Variants in ADAP1 observed in about 807,000 individuals in gnomAD.
ADAP1 encodes the protein arf-GAP with dual PH domain-containing protein 1.
Under a neutral mutation model 54.9 loss-of-function variants are expected in ADAP1, and 31 were observed. That is an observed-to-expected ratio of 0.56 (90% CI 0.42 to 0.76). The LOEUF (loss-of-function observed/expected upper bound fraction) is 0.76, where lower values mean the gene tolerates loss of function less well. Ranked by LOEUF, ADAP1 falls within the 30% of genes least tolerant of loss-of-function variation. ADAP1 has a pLI of 0.00. For missense variants in ADAP1, 535 were observed against 512.4 expected (o/e 1.04, Z -0.42); for synonymous variants, 313 against 202.6 (o/e 1.55, Z -4.63).
intron 1 of ADAP1, among the ~76,000 whole-genome samples, chr7:948,458 C>G (rs1459239809): frequency 6.6e-6 from 1 of 152,256 alleles, no homozygotes; most frequent in East Asian, 1.9e-4. Context: ...CCAAAGCCTT[C>G]CCCTGCATGC....
intron 4 of ADAP1, among the ~76,000 whole-genome samples, chr7:906,791 CGGG>C (rs1199956571): frequency 0.27 from 7,588 of 28,128 alleles, 1,107 homozygotes; most frequent in East Asian, 0.36. Context: ...ACACGGGGGA[CGGG>C]ACAGGGGACA....
chr7:951,360 G>A (rs562252760), intron 1 of ADAP1, among the ~76,000 whole-genome samples: 5 of 149,314 alleles, frequency 3.3e-5, no homozygotes, highest in African/African-American at 2.5e-5. Context: ...GCGACAGAGC[G>A]AGACTCCGTC....
chr7:908,659 G>A (rs535881163), intron 4 of ADAP1, among the ~76,000 whole-genome samples: 3 of 152,186 alleles, frequency 2.0e-5, no homozygotes, highest in African/African-American at 4.8e-5. Flanking sequence ...GTGTCCCCAC[G>A]GCTCTGCCTC....
intron 4 of ADAP1, among the ~76,000 whole-genome samples, chr7:912,587 C>T (rs992330361): frequency 5.9e-5 from 9 of 152,232 alleles, no homozygotes; most frequent in Non-Finnish European, 1.0e-4. Flanking sequence ...GCTTCTCCCC[C>T]GGTCCTTTGT....
Position 946,503 on chromosome 7 carries a change from C to CG in ADAP1, c.82+7892dup, listed in dbSNP as rs1847143266. On this transcript the variant is annotated intron_variant, in intron 1 of 10. Coordinates refer to ENST00000265846, the MANE Select transcript of ADAP1 (RefSeq NM_006869.4). This position sits in a 1 kb window ranked among gnomAD's most constrained non-coding sequence, Gnocchi z 4.3. ...CTCCTGGATCCCTCCCAGCAGCACC[C>CG]GGACACAGTCCATTTTCAGAATCCC... Among the ~76,000 whole-genome samples the CG allele has an allele frequency of 6.6e-6, 1 of 152,172 alleles. No homozygotes were observed. Among genetic ancestry groups the CG allele is most frequent in the East Asian group, 1.9e-4 (1 of 5,196 alleles).
rs559390936 is a variant in ADAP1 at position 938,319 on chromosome 7, C to T, written c.83-2814G>A. On this transcript the variant is annotated intron_variant, in intron 1 of 10. Transcript: ENST00000265846. The surrounding 1 kb of genome is among the most constrained non-coding windows in gnomAD (Gnocchi z 4.4). ...CCTCAGCCTTCCAAGTAGCTGGGAC[C>T]GCAGGCATGCACCAGCATACCCAGC... Among the ~76,000 whole-genome samples the T allele has an allele frequency of 1.7e-4, 26 of 151,606 alleles. No homozygotes were observed. The highest frequency in any genetic ancestry group is 3.4e-4 in the Non-Finnish European group (23 of 67,890).
intron 2 of ADAP1, chr7:927,289 C>A: frequency 8.2e-7 from 1 of 1,216,006 alleles, no homozygotes; most frequent in Non-Finnish European, 1.1e-6. Flanking sequence ...GAGGCTGTCA[C>A]GCACACTGTG....
At chr7:935,608 G>A (rs529051215) in intron 1 of ADAP1, 103 bp from the exon 2 acceptor site, 1 of 1,435,494 alleles carries the variant, frequency 7.0e-7, no homozygotes, top group Non-Finnish European at 9.4e-7. Context: ...CAGTGGGGGG[G>A]GCTTCAGCGG....
chr7:910,863 C>G (rs535550159), intron 4 of ADAP1, among the ~76,000 whole-genome samples: 1 of 152,314 alleles, frequency 6.6e-6, no homozygotes, highest in East Asian at 1.9e-4. Context: ...GGGCCTGGAC[C>G]TGGCTTCCGG....
chr7:918,164 C>T (rs191211690), intron 4 of ADAP1, among the ~76,000 whole-genome samples: 3 of 152,282 alleles, frequency 2.0e-5, no homozygotes, highest in Admixed American at 2.0e-4. Flanking sequence ...CTGACTGCAA[C>T]GGATCCACCT....
chr7:947,606 C>T (rs930066786), intron 1 of ADAP1, among the ~76,000 whole-genome samples: 14 of 152,056 alleles, frequency 9.2e-5, no homozygotes, highest in African/African-American at 3.1e-4. Context: ...CACCACACCC[C>T]GACATCCCGT....
rs565371199 is a variant in ADAP1 at position 930,993 on chromosome 7, A to G, written c.214-4349T>C. On this transcript the variant is annotated intron_variant, in intron 2 of 10. Coordinates refer to ENST00000265846, the MANE Select transcript of ADAP1 (RefSeq NM_006869.4). The stretch of plus-strand genomic sequence containing the variant: ...AGACTGTGTCTCAAAAAAAAAAAAA[A>G]AGAGAAAGGAAGGAAGGAAGGAGGG... 5.4e-5 allele frequency among the ~76,000 whole-genome samples: 8 copies of G among 149,314 alleles called. No homozygotes were observed. The East Asian group carries it at 7.9e-4, about 15-fold the overall frequency.
At position 935,136 on chromosome 7, in the gene ADAP1, A is replaced by G. The variant is rs567732598; in HGVS notation, c.213+239T>C. The G allele has an allele frequency of 2.2e-5, 15 of 666,828 alleles. No individual in the cohort carries two copies. In the African/African-American group the frequency reaches 2.7e-4, roughly 12 times the overall value. The allele number at this position is 666,828 out of a possible 1,614,324, so 41.3% of individuals were successfully genotyped here. A position where few individuals can be genotyped will look rare whatever the true frequency, so the allele number is the denominator to read the frequency against. On this transcript the variant is annotated intron_variant, in intron 2 of 10. Coordinates refer to ENST00000265846, the MANE Select transcript of ADAP1 (RefSeq NM_006869.4). ...GCGACCCGCCTTCGCTCCCTGGCCC[A>G]CCACACACACCTGGAGCTGCTCACA...
chr7:935,398 C>T lies in ADAP1; in HGVS notation c.190G>A (p.Ala64Thr), dbSNP rs1280040888. ...VSKVKSVRLD[A>T]WEEAQVEFMA... ...ACCTCCACTTGGGCCTCCTCCCAGG[C>T]GTCCAGGCGGACGGACTTCACCTTG... The change falls in exon 2 of 11, where the codon GCC becomes ACC. Residue 64 changes from alanine to threonine, a missense_variant. Physicochemically the swap from Ala to Thr is moderately conservative, Grantham distance 58. Transcript: ENST00000265846. 1.3e-6 allele frequency: 2 copies of T among 1,560,824 alleles called. No individual in the cohort carries two copies. Among genetic ancestry groups the T allele is most frequent in the East Asian group, 2.4e-5 (1 of 41,604 alleles).
chr7:899,280 C>A lies in ADAP1; in HGVS notation c.868-19G>T. 1 of 1,612,136 alleles carries A rather than the reference C, an allele frequency of 6.2e-7. No homozygotes were observed. The highest frequency in any genetic ancestry group is 8.5e-7 in the Non-Finnish European group (1 of 1,179,414). ...AGGCGTCCTGTGGGTGGGGACCGCACTGGAGGCGGGGCCATGTCCCTTCCA... is the reference window on the plus strand; with the variant it reads ...AGGCGTCCTGTGGGTGGGGACCGCAATGGAGGCGGGGCCATGTCCCTTCCA... On this transcript the variant is annotated intron_variant, in intron 9 of 10. Transcript: ENST00000265846.
rs4719949 is a variant in ADAP1 at position 945,522 on chromosome 7, C to T, written c.82+8874G>A. ...AGTCAGCACCCACGGCCTGTGGTGC[C>T]CCCAGAACAGGCCACAAGGCCAGCA... On this transcript the variant is annotated intron_variant, in intron 1 of 10. Coordinates refer to ENST00000265846, the MANE Select transcript of ADAP1 (RefSeq NM_006869.4). This position sits in a 1 kb window ranked among gnomAD's most constrained non-coding sequence, Gnocchi z 4.2. 0.39 allele frequency among the ~76,000 whole-genome samples: 59,800 copies of T among 152,184 alleles called. 12,362 individuals are homozygous for T. The highest frequency in any genetic ancestry group is 0.63 in the South Asian group (3,046 of 4,826).
intron 6 of ADAP1, among the ~76,000 whole-genome samples, chr7:903,605 G>A (rs181869659): frequency 6.6e-6 from 1 of 152,118 alleles, no homozygotes; most frequent in Non-Finnish European, 1.5e-5. Flanking sequence ...GATAGCTTTT[G>A]TGGGGGTTTT....
intron 4 of ADAP1, among the ~76,000 whole-genome samples, chr7:913,740 G>T (rs1845819919): frequency 6.6e-6 from 1 of 152,016 alleles, no homozygotes; most frequent in Non-Finnish European, 1.5e-5. Flanking sequence ...TTCCAGACCA[G>T]CCTGGCCAAC....
Position 945,403 on chromosome 7 carries a change from C to T in ADAP1, c.82+8993G>A, listed in dbSNP as rs1248555866. On this transcript the variant is annotated intron_variant, in intron 1 of 10. Coordinates refer to ENST00000265846, the MANE Select transcript of ADAP1 (RefSeq NM_006869.4). The surrounding 1 kb of genome is among the most constrained non-coding windows in gnomAD (Gnocchi z 4.2). Reference sequence around the variant, plus strand: ...TGGGCTGCACTCCAGCTGCCCCCTCCACTCGGGGCACTGAACCGTGGGGCC... The same window carrying T: ...TGGGCTGCACTCCAGCTGCCCCCTCTACTCGGGGCACTGAACCGTGGGGCC... Among the ~76,000 whole-genome samples the T allele has an allele frequency of 1.3e-5, 2 of 152,242 alleles. No homozygotes were observed. The highest frequency in any genetic ancestry group is 1.5e-5 in the Non-Finnish European group (1 of 68,028).
Sources: gnomAD v4.1 joint callset for allele counts (sites outside exome capture counted in the v4.1 genomes callset) on GRCh38, gnomAD v4.1.1 for gene constraint, Gnocchi (gnomAD v3.1) non-coding constraint, MANE v1.5 for transcripts, NCBI Gene and HGNC (gene_info 2026-07-23, HGNC 2026-07-21) for gene names.